PLCL1: variants seen among roughly 807,000 people sequenced by gnomAD.
PLCL1 encodes inactive phospholipase C-like protein 1.
Under a neutral mutation model 84.4 loss-of-function variants are expected in PLCL1, and 41 were observed. The observed-to-expected ratio is 0.49, with a 90% CI of 0.38 to 0.63. PLCL1 has a LOEUF of 0.63. PLCL1 is among the 30% of genes least tolerant of loss of function. The pLI is 0.00. For synonymous variants in PLCL1, 490 were observed against 488.3 expected (o/e 1.00, Z -0.05); for missense variants, 1,206 against 1,367.8 (o/e 0.88, Z 1.87).
rs544055796 is a variant in PLCL1, at chr2:197,868,724, A to G, written c.240+63385A>G. 4.5e-4 allele frequency among the ~76,000 whole-genome samples: 66 copies of G among 147,958 alleles called. 2 individuals carry two copies. In the South Asian group the frequency reaches 9.9e-3, roughly 22 times the overall value. On this transcript the variant is annotated intron_variant, in intron 1 of 5. Coordinates refer to ENST00000428675, the MANE Select transcript of PLCL1 (RefSeq NM_006226.4). Reference sequence around the variant, plus strand: ...GTCTCGCTTTTTTTTTTTAGTAGAGATAAGTTCACTTGAACTCCTAGATTC... The same window carrying G: ...GTCTCGCTTTTTTTTTTTAGTAGAGGTAAGTTCACTTGAACTCCTAGATTC...
chr2:197,914,520 G>T (rs988939485), intron 1 of PLCL1, among the ~76,000 whole-genome samples: 3 of 151,926 alleles, frequency 2.0e-5, no homozygotes, highest in Non-Finnish European at 4.4e-5. Flanking sequence ...TAGTAGAGAC[G>T]GGGTTTCACA....
chr2:198,131,345 C>A (rs974633234), intron 5 of PLCL1, among the ~76,000 whole-genome samples: 1 of 152,164 alleles, frequency 6.6e-6, no homozygotes, highest in African/African-American at 2.4e-5. Flanking sequence ...TATCCCTGTA[C>A]GTATTCCCAC....
intron 5 of PLCL1, among the ~76,000 whole-genome samples, chr2:198,132,232 C>T (rs990907588): frequency 3.3e-5 from 5 of 152,206 alleles, no homozygotes; most frequent in Non-Finnish European, 7.3e-5. Flanking sequence ...TGGTCAGCTA[C>T]TGATTGGCCA....
chr2:198,096,931 A>AT (rs1693212903), intron 3 of PLCL1, among the ~76,000 whole-genome samples: 1 of 152,210 alleles, frequency 6.6e-6, no homozygotes, highest in African/African-American at 2.4e-5. Flanking sequence ...ACCAGTATAT[A>AT]TTCAGCCTCA....
intron 1 of PLCL1, among the ~76,000 whole-genome samples, chr2:198,078,203 C>T (rs1437406242): frequency 6.6e-6 from 1 of 152,148 alleles, no homozygotes; most frequent in Non-Finnish European, 1.5e-5. Flanking sequence ...TTCCTCCAAA[C>T]TCTGTAATGT....
At chr2:197,897,152 TC>T (rs1688155776) in intron 1 of PLCL1, among the ~76,000 whole-genome samples, 1 of 33,190 alleles carries the variant, frequency 3.0e-5, no homozygotes, top group Non-Finnish European at 5.4e-5. Context: ...TTCTTCTTCT[TC>T]TTCTTCTTCT....
At chr2:197,949,239 C>G (rs1370155993) in intron 1 of PLCL1, among the ~76,000 whole-genome samples, 1 of 152,128 alleles carries the variant, frequency 6.6e-6, no homozygotes, top group African/African-American at 2.4e-5. Context: ...TAAGGAGAAT[C>G]AATTCTACAA....
intron 1 of PLCL1, among the ~76,000 whole-genome samples, chr2:197,912,495 G>A (rs1452554858): frequency 5.9e-5 from 9 of 151,634 alleles, no homozygotes; most frequent in African/African-American, 9.7e-5. Context: ...ACATGCACAC[G>A]TATGTTTATT....
intron 1 of PLCL1, among the ~76,000 whole-genome samples, chr2:197,921,281 T>C (rs1316774120): frequency 2.6e-5 from 4 of 152,240 alleles, no homozygotes; most frequent in Non-Finnish European, 4.4e-5. Flanking sequence ...ATTTGGTTTA[T>C]ATTGAATGAT....
chr2:197,875,900 A>G (rs1272423353), intron 1 of PLCL1, among the ~76,000 whole-genome samples: 5 of 152,164 alleles, frequency 3.3e-5, no homozygotes, highest in African/African-American at 1.2e-4. Flanking sequence ...AGGAAAGTAG[A>G]CACAGGGAGA....
chr2:197,972,009 A>G (rs749083913), intron 1 of PLCL1, among the ~76,000 whole-genome samples: 9 of 152,220 alleles, frequency 5.9e-5, no homozygotes, highest in Non-Finnish European at 1.2e-4. Context: ...TTTAAAATGT[A>G]CATGTTTATA....
chr2:197,920,200 G>T (rs374905547), intron 1 of PLCL1, among the ~76,000 whole-genome samples: 1 of 152,060 alleles, frequency 6.6e-6, no homozygotes, highest in African/African-American at 2.4e-5. Flanking sequence ...GTTCAGAATG[G>T]CACAGCTATT....
Position 198,085,254 on chromosome 2 carries a change from C to G in PLCL1, c.1737C>G (p.Ile579Met). 1 of 1,613,988 alleles carries G rather than the reference C, an allele frequency of 6.2e-7. No homozygotes were observed. Among genetic ancestry groups the G allele is most frequent in the East Asian group, 2.2e-5 (1 of 44,886 alleles). Residue 579 changes from isoleucine (I) to methionine (M), a missense_variant, in exon 2 of 6, where the codon ATC becomes ATG. Transcript: ENST00000428675. The surrounding 1 kb of genome is among the most constrained non-coding windows in gnomAD (Gnocchi z 5.3). The part of the protein sequence containing the change: ...SVDYNGEQKQ[I>M]RLCRELSDLV... ...ATTACAATGGTGAGCAGAAGCAAAT[C>G]CGACTCTGTAGGGAGCTCTCTGATT...
Position 198,037,471 on chromosome 2 carries a change from A to G in PLCL1, c.241-46287A>G, listed in dbSNP as rs575871257. Among the ~76,000 whole-genome samples the G allele has an allele frequency of 1.3e-5, 2 of 152,338 alleles. 1 individual carries two copies. Among genetic ancestry groups the G allele is most frequent in the South Asian group, 4.1e-4 (2 of 4,830 alleles). On this transcript the variant is annotated intron_variant, in intron 1 of 5. Coordinates refer to ENST00000428675, the MANE Select transcript of PLCL1 (RefSeq NM_006226.4). ...GCATTTCCCAAACTTAGTTGACCCC[A>G]AGTCCTTTTTTCCATCGCACTCTTG...
At chr2:197,820,470 T>G (rs1690794032) in intron 1 of PLCL1, among the ~76,000 whole-genome samples, 1 of 152,070 alleles carries the variant, frequency 6.6e-6, no homozygotes, top group African/African-American at 2.4e-5. Context: ...TGTATCAAAG[T>G]GTGATTTCCA....
intron 1 of PLCL1, among the ~76,000 whole-genome samples, chr2:197,989,889 T>C (rs1221962484): frequency 6.6e-6 from 1 of 152,084 alleles, no homozygotes; most frequent in African/African-American, 2.4e-5. Flanking sequence ...ACTTGGAGAT[T>C]CTCCCAGGTA....
At chr2:198,110,111 A>G (rs979718879) in intron 5 of PLCL1, among the ~76,000 whole-genome samples, 7 of 151,908 alleles carry the variant, frequency 4.6e-5, no homozygotes, top group Non-Finnish European at 1.0e-4. Flanking sequence ...GAATATAACT[A>G]TTACCTCTTC....
rs544511354 is a variant in PLCL1, at chr2:198,119,058, A to C, written c.3105+15122A>C. 3.3e-5 allele frequency among the ~76,000 whole-genome samples: 5 copies of C among 152,110 alleles called. No individual in the cohort carries two copies. The East Asian group carries it at 9.7e-4, about 30-fold the overall frequency. On this transcript the variant is annotated intron_variant, in intron 5 of 5. Transcript: ENST00000428675. Reference sequence around the variant, plus strand: ...CCCAAGAATCCAGAGTATTACATACATCAGATGAGGAAAATGTCAATTGTA... The same window carrying C: ...CCCAAGAATCCAGAGTATTACATACCTCAGATGAGGAAAATGTCAATTGTA...
At chr2:197,874,312 TAGAAA>T (rs1362887312) in intron 1 of PLCL1, among the ~76,000 whole-genome samples, 2 of 152,086 alleles carry the variant, frequency 1.3e-5, no homozygotes, top group Non-Finnish European at 2.9e-5. Context: ...ATCTTCGTTA[TAGAAA>T]AAAGTAACTT....
Sources: gnomAD v4.1 joint callset for allele counts (sites outside exome capture counted in the v4.1 genomes callset) on GRCh38, gnomAD v4.1.1 for gene constraint, Gnocchi (gnomAD v3.1) non-coding constraint, MANE v1.5 for transcripts, NCBI Gene and HGNC (gene_info 2026-07-23, HGNC 2026-07-21) for gene names.